The following SLC4A8 variants were observed in gnomAD, a reference collection of about 807,000 sequenced individuals.
The protein encoded by SLC4A8 is electroneutral sodium bicarbonate exchanger 1.
Under a neutral mutation model 125.0 loss-of-function variants are expected in SLC4A8, and 40 were observed. The ratio of observed to expected loss-of-function variants is 0.32; its 90% CI spans 0.25 to 0.42. SLC4A8 has a LOEUF of 0.42. Ranked by LOEUF, SLC4A8 falls within the 10% of genes least tolerant of loss-of-function variation. The pLI is 1.00. For missense variants in SLC4A8, 863 were observed against 1,355.1 expected (o/e 0.64, Z 5.70); for synonymous variants, 456 against 476.0 (o/e 0.96, Z 0.55).
intron 2 of SLC4A8, among the ~76,000 whole-genome samples, chr12:51,449,053 TA>T (rs1448655868): frequency 6.6e-6 from 1 of 152,038 alleles, no homozygotes; most frequent in Non-Finnish European, 1.5e-5. Context: ...GACAATGGGA[TA>T]GAGTCATACT....
In SLC4A8 at chr12:51,424,891, G is replaced by C; in HGVS notation, c.-97G>C. 7.6e-7 allele frequency: 1 copy of C among 1,312,146 alleles called. No individual in the cohort carries two copies. The highest frequency in any genetic ancestry group is 2.8e-5 in the East Asian group (1 of 35,852). The allele number at this position is 1,312,146 out of a possible 1,614,324, so 81.3% of individuals were successfully genotyped here. On this transcript the variant is annotated 5_prime_UTR_variant, in exon 1 of 25. Coordinates refer to ENST00000453097, the MANE Select transcript of SLC4A8 (RefSeq NM_001039960.3). ...GGTTGACCGTTGGCTCCGGGGTGGG[G>C]GTCGCCGTTCGAGTGATCTGCTCAG... is the stretch of plus-strand genomic sequence containing the variant.
chr12:51,503,364 A>G (rs978688797), intron 22 of SLC4A8, among the ~76,000 whole-genome samples: 1 of 150,512 alleles, frequency 6.6e-6, no homozygotes, highest in Non-Finnish European at 1.5e-5. Context: ...GGCGCCCGCC[A>G]CCACACCTGG....
rs187940170 is a variant in SLC4A8, at chr12:51,509,921, G to C, written c.*2483G>C. On this transcript the variant is annotated 3_prime_UTR_variant, in exon 25 of 25. Coordinates refer to ENST00000453097, the MANE Select transcript of SLC4A8 (RefSeq NM_001039960.3). Reference sequence around the variant, plus strand: ...GAAGGAATTTGGGTGGTTTTGCCACGAGGTGATGGTTGGGGTTGGGCGAAT... The same window carrying C: ...GAAGGAATTTGGGTGGTTTTGCCACCAGGTGATGGTTGGGGTTGGGCGAAT... 5.9e-5 allele frequency: 9 copies of C among 152,620 alleles called. No individual in the cohort carries two copies. Among genetic ancestry groups the C allele is most frequent in the African/African-American group, 2.2e-4 (9 of 41,562 alleles). 9.5% of individuals were successfully genotyped at this position (152,620 alleles called of 1,614,324 possible).
At chr12:51,460,256 G>A in intron 8 of SLC4A8, 148 bp downstream of exon 8, 2 of 735,382 alleles carry the variant, frequency 2.7e-6, no homozygotes, top group Non-Finnish European at 4.7e-6. Flanking sequence ...ATGTGCTGGT[G>A]TGTGCCTCTA....
At chr12:51,429,175 G>A (rs1310751582) in intron 1 of SLC4A8, among the ~76,000 whole-genome samples, 3 of 152,132 alleles carry the variant, frequency 2.0e-5, no homozygotes, top group East Asian at 1.9e-4. Context: ...GCCTCCCAAA[G>A]TGCTGGGATT....
upstream of SLC4A8, chr12:51,421,841 T>A (rs1260886277): frequency 6.6e-6 from 1 of 152,220 alleles, no homozygotes; most frequent in Non-Finnish European, 1.5e-5. Context: ...TCTTGACTCG[T>A]CTCCTCAGGT....
chr12:51,415,157 A>ATCCTT (rs1948661231), intron 1 of SLC4A8, among the ~76,000 whole-genome samples: 1 of 151,964 alleles, frequency 6.6e-6, no homozygotes. Context: ...TTGGTGCAAA[A>ATCCTT]GTAATTGTGG....
At chr12:51,412,654 C>A (rs974520213) in intron 1 of SLC4A8, among the ~76,000 whole-genome samples, 16 of 152,318 alleles carry the variant, frequency 1.1e-4, no homozygotes, top group Admixed American at 7.2e-4. Flanking sequence ...CTTTTTTAAG[C>A]TCCCATATAA....
intron 1 of SLC4A8, among the ~76,000 whole-genome samples, chr12:51,404,235 T>C (rs1016734620): frequency 2.6e-5 from 4 of 152,164 alleles, no homozygotes; most frequent in South Asian, 2.1e-4. Flanking sequence ...TCTGTGGAAG[T>C]TGACTCCTGA....
intron 19 of SLC4A8, 58 bp from the exon 20 acceptor site, chr12:51,493,646 T>C: frequency 8.4e-6 from 9 of 1,068,624 alleles, no homozygotes; most frequent in Non-Finnish European, 1.3e-5. Flanking sequence ...GTATATAGTT[T>C]TGAGTGTGCT....
At chr12:51,487,673 A>G (rs1951197261) in intron 17 of SLC4A8, among the ~76,000 whole-genome samples, 1 of 152,214 alleles carries the variant, frequency 6.6e-6, no homozygotes, top group Non-Finnish European at 1.5e-5. Flanking sequence ...TGAACACCCC[A>G]GTAAGATTTA....
At chr12:51,425,578 T>A (rs1048349076) in intron 1 of SLC4A8, among the ~76,000 whole-genome samples, 3 of 152,156 alleles carry the variant, frequency 2.0e-5, no homozygotes, top group Non-Finnish European at 1.5e-5. Flanking sequence ...TGAAAACTTC[T>A]GGGTAGGGAC....
At chr12:51,432,410 C>CA (rs33965654) in intron 1 of SLC4A8, among the ~76,000 whole-genome samples, 57,637 of 91,886 alleles carry the variant, frequency 0.63, 18,646 homozygotes, top group Non-Finnish European at 0.71. Flanking sequence ...GACTCCGCCT[C>CA]AAAAAAAAAA....
At chr12:51,425,968 C>T (rs1419117205) in intron 1 of SLC4A8, among the ~76,000 whole-genome samples, 14 of 152,260 alleles carry the variant, frequency 9.2e-5, no homozygotes, top group South Asian at 6.2e-4. Context: ...TCTCACTCCC[C>T]GTTTCCTGTG....
At chr12:51,430,477 A>C (rs1438727964) in intron 1 of SLC4A8, among the ~76,000 whole-genome samples, 1 of 152,150 alleles carries the variant, frequency 6.6e-6, no homozygotes, top group Non-Finnish European at 1.5e-5. Context: ...ACTACATTGC[A>C]CATACCCCTC....
In SLC4A8 at chr12:51,494,178, T is replaced by C. The variant is rs1047463833; in HGVS notation, c.2769+406T>C. 1.6e-4 allele frequency among the ~76,000 whole-genome samples: 24 copies of C among 152,160 alleles called. No homozygotes were observed. In the South Asian group the frequency reaches 2.3e-3, roughly 15 times the overall value. On this transcript the variant is annotated intron_variant, in intron 20 of 24. Transcript: ENST00000453097. ...AAGTATAAAAATGGGGTGTTTAACT[T>C]TGGGAGAGGGTTCATTGGCAGAAGA...
In SLC4A8 at chr12:51,453,706, T is replaced by C. The variant is rs1424167396; in HGVS notation, c.574+7T>C. Reference sequence around the variant, plus strand: ...AGCATAGAAGAAATTTCAGGTAAGGTTGGGGAAGGGAAAACAGAGCAACTT... The same window carrying C: ...AGCATAGAAGAAATTTCAGGTAAGGCTGGGGAAGGGAAAACAGAGCAACTT... On this transcript the variant is annotated splice_region_variant and intron_variant, in intron 5 of 24. Transcript: ENST00000453097. 1.9e-6 allele frequency: 3 copies of C among 1,608,966 alleles called. No individual in the cohort carries two copies. Among genetic ancestry groups the C allele is most frequent in the Middle Eastern group, 3.3e-4 (2 of 6,042 alleles).
At chr12:51,498,106 G>A (rs956039063) in intron 22 of SLC4A8, among the ~76,000 whole-genome samples, 4 of 150,940 alleles carry the variant, frequency 2.7e-5, no homozygotes, top group African/African-American at 9.7e-5. Context: ...TAAAAATCTT[G>A]TATTTCTAAA....
Position 51,406,258 on chromosome 12 carries a change from C to T in SLC4A8, c.-112+14770C>T, listed in dbSNP as rs566012925. Among the ~76,000 whole-genome samples the T allele has an allele frequency of 9.2e-5, 14 of 152,264 alleles. 1 individual carries two copies. Among genetic ancestry groups the T allele is most frequent in the African/African-American group, 2.6e-4 (11 of 41,548 alleles). On this transcript the variant is annotated intron_variant, in intron 1 of 24. Coordinates refer to the SLC4A8 transcript ENST00000358657. ...TCACCAACTGCAAATAAAATTATCC[C>T]GAGGGAGAGATTTTGGCCTGGTATA...
Sources: gnomAD v4.1 joint callset for allele counts (sites outside exome capture counted in the v4.1 genomes callset) on GRCh38, gnomAD v4.1.1 for gene constraint, MANE v1.5 for transcripts, NCBI Gene and HGNC (gene_info 2026-07-23, HGNC 2026-07-21) for gene names.